The following SLC24A5 variants were observed in gnomAD, a reference collection of about 807,000 sequenced individuals.
The protein encoded by SLC24A5 is sodium/potassium/calcium exchanger 5.
A neutral mutation model predicts 51.6 loss-of-function variants in SLC24A5; 46 were observed. That is an observed-to-expected ratio of 0.89 (90% CI 0.70 to 1.14). The LOEUF (loss-of-function observed/expected upper bound fraction) is 1.14. Ranked by LOEUF, SLC24A5 falls within the 50% of genes most tolerant of loss-of-function variation. The pLI, the probability that SLC24A5 is intolerant of heterozygous loss-of-function variation, is 0.00. For missense variants in SLC24A5, 581 were observed against 604.1 expected (o/e 0.96, Z 0.40); for synonymous variants, 230 against 214.9 (o/e 1.07, Z -0.62).
At chr15:48,126,791 G>A (rs889392552) in intron 2 of SLC24A5, among the ~76,000 whole-genome samples, 1 of 152,202 alleles carries the variant, frequency 6.6e-6, no homozygotes, top group Non-Finnish European at 1.5e-5. Context: ...GATCATTCAT[G>A]TAAGCCTGAC....
chr15:48,141,773 A>G (rs1216253098), intron 8 of SLC24A5: 1 of 247,974 alleles, frequency 4.0e-6, no homozygotes, highest in African/African-American at 2.2e-5. Context: ...TTAAATTACA[A>G]TGAAAAGCAA....
Position 48,142,590 on chromosome 15 carries a change from T to G in SLC24A5, c.*239T>G, listed in dbSNP as rs1411705076. The G allele has an allele frequency of 1.1e-4, 48 of 452,010 alleles. No individual in the cohort carries two copies. Among genetic ancestry groups the G allele is most frequent in the Non-Finnish European group, 1.7e-4 (44 of 261,630 alleles). The allele number at this position is 452,010 out of a possible 1,614,324, so 28.0% of individuals were successfully genotyped here. ...AATCTATGTTTTACCATACAATAAGTTGACAAAAACTGGAGAAACTAGAAC... is the reference window on the plus strand; with the variant it reads ...AATCTATGTTTTACCATACAATAAGGTGACAAAAACTGGAGAAACTAGAAC... On this transcript the variant is annotated 3_prime_UTR_variant, in exon 9 of 9. Transcript: ENST00000341459.
intron 2 of SLC24A5, 113 bp downstream of exon 2, chr15:48,122,149 AC>A: frequency 8.9e-7 from 1 of 1,123,732 alleles, no homozygotes; most frequent in Non-Finnish European, 1.3e-6. Context: ...GTTGCAGAGC[AC>A]CAGCTTCTTG....
Position 48,136,695 on chromosome 15 carries a change from T to G in SLC24A5, c.603T>G (p.Ala201=). 1 of 1,607,422 alleles carries G rather than the reference T, an allele frequency of 6.2e-7. No homozygotes were observed. Among genetic ancestry groups the G allele is most frequent in the Non-Finnish European group, 8.5e-7 (1 of 1,176,376 alleles). The change falls in exon 6 of 9, where the codon GCT becomes GCG. Residue 201 remains alanine (A), a synonymous_variant. Transcript: ENST00000341459. ...YDNQVYWYEG[A]LLLLIYGLYV... Reference sequence around the variant, plus strand: ...TTCTCTTTTGTAGGTATGAAGGGGCTTTACTGCTTTTGATATATGGATTGT... The same window carrying G: ...TTCTCTTTTGTAGGTATGAAGGGGCGTTACTGCTTTTGATATATGGATTGT...
At chr15:48,135,333 G>A (rs2038870409) in intron 5 of SLC24A5, 1 of 182,958 alleles carries the variant, frequency 5.5e-6, no homozygotes, top group Non-Finnish European at 1.2e-5. Context: ...TGCTCACCTT[G>A]CCTTGGTTAG....
intron 7 of SLC24A5, 60 bp downstream of exon 7, chr15:48,139,235 A>G: frequency 1.4e-6 from 2 of 1,397,232 alleles, no homozygotes. Context: ...CAAATTGCAT[A>G]TGTTCACTCA....
chr15:48,135,158 A>G (rs2038866076), intron 5 of SLC24A5, 174 bp downstream of exon 5: 1 of 508,398 alleles, frequency 2.0e-6, no homozygotes, highest in East Asian at 3.0e-5. Context: ...TCTTCTCACT[A>G]GTTTGCAATT....
intron 6 of SLC24A5, chr15:48,137,514 T>C (rs1243836996): frequency 1.3e-5 from 2 of 152,190 alleles, no homozygotes; most frequent in Admixed American, 6.6e-5. Context: ...ATCTTAGTAA[T>C]GTTACCCAAA....
chr15:48,134,958 T>C lies in SLC24A5; in HGVS notation c.564T>C (p.Gly188=), dbSNP rs2038859986. The C allele has an allele frequency of 6.2e-7, 1 of 1,611,536 alleles. No homozygotes were observed. The highest frequency in any genetic ancestry group is 8.5e-7 in the Non-Finnish European group (1 of 1,178,292). Residue 188 remains glycine, a synonymous_variant, in exon 5 of 9, where the codon GGT becomes GGC. Coordinates refer to ENST00000341459, the MANE Select transcript of SLC24A5 (RefSeq NM_205850.3). ...AYTISAAAVL[G]IIYDNQVYWY... ...CAATTAGTGCAGCAGCAGTTCTTGG[T>C]ATAATATATGACAACCAAGTTTACT...
At position 48,139,064 on chromosome 15, in the gene SLC24A5, C is replaced by T. The variant is rs2038974980; in HGVS notation, c.967C>T (p.Pro323Ser). 2 of 1,612,700 alleles carry T rather than the reference C, an allele frequency of 1.2e-6. No individual in the cohort carries two copies. Among genetic ancestry groups the T allele is most frequent in the Non-Finnish European group, 1.7e-6 (2 of 1,178,974 alleles). Residue 323 changes from proline to serine, a missense_variant, in exon 7 of 9, where the codon CCA (proline) becomes TCA (serine). Pro to Ser is a moderately conservative substitution (Grantham distance 74). Coordinates refer to ENST00000341459, the MANE Select transcript of SLC24A5 (RefSeq NM_205850.3). ...PIITLLFLTT[P>S]DCRKKFWKNY... ...TATTACATTACTTTTTCTAACCACA[C>T]CAGATTGTAGAAAAAAGTTTTGGAA...
rs775238392 is a variant in SLC24A5 at position 48,136,755 on chromosome 15, C to A, written c.663C>A (p.Asn221Lys). ...TGCTGTGTTTTGACATTAAAATTAA[C>A]CAATATATTATAAAGAAATGCAGTC... The part of the protein sequence containing the change: ...VLVLCFDIKI[N>K]QYIIKKCSPC... Residue 221 changes from asparagine to lysine, a missense_variant, in exon 6 of 9, where the codon AAC (asparagine) becomes AAA (lysine). Asn to Lys is a moderately conservative substitution (Grantham distance 94, BLOSUM62 0). Transcript: ENST00000341459. 13 of 1,613,240 alleles carry A rather than the reference C, an allele frequency of 8.1e-6. No individual in the cohort carries two copies. The Admixed American group carries it at 1.7e-4, about 21-fold the overall frequency.
chr15:48,142,341 G>C lies in SLC24A5; in HGVS notation c.1493G>C (p.Cys498Ser). The C allele has an allele frequency of 6.3e-7, 1 of 1,593,972 alleles. No homozygotes were observed. The highest frequency in any genetic ancestry group is 2.2e-5 in the East Asian group (1 of 44,674). Residue 498 changes from cysteine to serine, a missense_variant, in exon 9 of 9, where the codon TGT becomes TCT. Cys to Ser is a moderately radical substitution (Grantham distance 112, BLOSUM62 -1). Coordinates refer to ENST00000341459, the MANE Select transcript of SLC24A5 (RefSeq NM_205850.3). ...GIIGNNKIRGCGG is the reference protein window; with the variant it reads ...GIIGNNKIRGSGG ...ATTGGAAATAATAAAATAAGGGGCTGTGGAGGTTGATATTATTAATAGTGT... is the reference window on the plus strand; with the variant it reads ...ATTGGAAATAATAAAATAAGGGGCTCTGGAGGTTGATATTATTAATAGTGT...
chr15:48,136,695 T>C lies in SLC24A5; in HGVS notation c.603T>C (p.Ala201=), dbSNP rs1250037616. ...YDNQVYWYEG[A]LLLLIYGLYV... ...TTCTCTTTTGTAGGTATGAAGGGGCTTTACTGCTTTTGATATATGGATTGT... is the reference window on the plus strand; with the variant it reads ...TTCTCTTTTGTAGGTATGAAGGGGCCTTACTGCTTTTGATATATGGATTGT... Residue 201 remains alanine, a synonymous_variant, in exon 6 of 9, where the codon GCT becomes GCC. Coordinates refer to ENST00000341459, the MANE Select transcript of SLC24A5 (RefSeq NM_205850.3). 1.9e-6 allele frequency: 3 copies of C among 1,607,304 alleles called. No individual in the cohort carries two copies. The highest frequency in any genetic ancestry group is 1.7e-6 in the Non-Finnish European group (2 of 1,176,384).
chr15:48,126,267 G>T (rs565491327), intron 2 of SLC24A5, among the ~76,000 whole-genome samples: 1 of 152,290 alleles, frequency 6.6e-6, no homozygotes, highest in South Asian at 2.1e-4. Context: ...GGCAACCTCA[G>T]ACACTTTACC....
intron 2 of SLC24A5, among the ~76,000 whole-genome samples, chr15:48,125,388 G>A (rs995227068): frequency 6.6e-6 from 1 of 151,922 alleles, no homozygotes; most frequent in Non-Finnish European, 1.5e-5. Context: ...AAGGCTGGGA[G>A]GGTAGGTAAT....
intron 2 of SLC24A5, among the ~76,000 whole-genome samples, chr15:48,130,878 C>A (rs1029844883): frequency 6.6e-6 from 1 of 152,094 alleles, no homozygotes; most frequent in African/African-American, 2.4e-5. Flanking sequence ...GGCCTAAGTG[C>A]CATTCTTATA....
At chr15:48,130,361 C>A (rs2038776926) in intron 2 of SLC24A5, among the ~76,000 whole-genome samples, 2 of 152,102 alleles carry the variant, frequency 1.3e-5, no homozygotes, top group African/African-American at 4.8e-5. Flanking sequence ...ATTCTTAGAA[C>A]ATTAAGATAT....
intron 2 of SLC24A5, among the ~76,000 whole-genome samples, chr15:48,133,870 T>C (rs904696708): frequency 2.0e-5 from 3 of 152,034 alleles, no homozygotes; most frequent in African/African-American, 7.2e-5. Flanking sequence ...TTCAGCTGCA[T>C]TATACATCTA....
rs769236601 is a variant in SLC24A5, at chr15:48,136,819, GAAC to G, written c.732_734del (p.Gln245del). ...TCTTGCCAAAGCTATGGAGAGAAGT[GAAC>G]AACAGCCACTGATGGGCTGGGAAGA... is the stretch of plus-strand genomic sequence containing the variant. On this transcript the variant is annotated inframe_deletion, in exon 6 of 9. Transcript: ENST00000341459. 9.9e-6 allele frequency: 16 copies of G among 1,613,684 alleles called. No homozygotes were observed. The African/African-American group carries it at 1.5e-4, about 15-fold the overall frequency.
Sources: gnomAD v4.1 joint callset for allele counts (sites outside exome capture counted in the v4.1 genomes callset) on GRCh38, gnomAD v4.1.1 for gene constraint, MANE v1.5 for transcripts, NCBI Gene and HGNC (gene_info 2026-07-23, HGNC 2026-07-21) for gene names.